PAK6: variants seen among roughly 807,000 people sequenced by gnomAD.
PAK6 encodes the protein p21 (RAC1) activated kinase 6.
In PAK6, 33 loss-of-function variants were observed where a neutral mutation model predicts 60.8. The observed-to-expected ratio is 0.54, with a 90% CI of 0.41 to 0.73. The LOEUF is 0.73. PAK6 is among the 30% of genes least tolerant of loss of function. The probability of loss-of-function intolerance (pLI) is 0.00; values close to 1 mark genes in which losing one functional copy is unlikely to be tolerated. For missense variants in PAK6, 845 were observed against 904.1 expected, an observed-to-expected ratio of 0.93 and a Z score of 0.84; for synonymous variants, 404 against 378.5, an observed-to-expected ratio of 1.07 and a Z score of -0.78.
chr15:40,270,630 G>A (rs1465983068), intron 5 of PAK6, among the ~76,000 whole-genome samples: 2 of 152,204 alleles, frequency 1.3e-5, no homozygotes, highest in African/African-American at 4.8e-5. Context: ...CAGTGTCACA[G>A]TGGATGGTGA....
intron 3 of PAK6, 74 bp from the exon 4 acceptor site, chr15:40,264,707 A>G (rs2039072575): frequency 7.6e-7 from 1 of 1,323,038 alleles, no homozygotes; most frequent in Non-Finnish European, 1.1e-6. Flanking sequence ...GGAGCCCTGA[A>G]CCTGGTGCCC....
chr15:40,240,373 G>A (rs2038288234), intron 1 of PAK6: 1 of 338,326 alleles, frequency 3.0e-6, no homozygotes, highest in Admixed American at 4.0e-5. Context: ...GTCCCCACAG[G>A]GCATGCCCCA....
Position 40,252,309 on chromosome 15 carries a change from T to G in PAK6, c.-117-869T>G, listed in dbSNP as rs893750258. 17 of 1,236,720 alleles carry G rather than the reference T, an allele frequency of 1.4e-5. No homozygotes were observed. The African/African-American group carries it at 2.5e-4, about 18-fold the overall frequency. The allele number at this position is 1,236,720 out of a possible 1,614,324, so 76.6% of individuals were successfully genotyped here. ...CTCAGCTGATTCTCCAGGTCGGGTC[T>G]CCGCGAGGCGGCCACTGGGCCGTGG... On this transcript the variant is annotated intron_variant, in intron 2 of 10. Transcript: ENST00000560346.
exon 4 of PAK6, chr15:40,264,863 C>G: frequency 6.2e-7 from 1 of 1,614,018 alleles, no homozygotes; most frequent in Non-Finnish European, 8.5e-7. Context: ...ACACCTCCTT[C>G]GACCCCAAAG....
chr15:40,257,613 C>T (rs558822129), intron 3 of PAK6, among the ~76,000 whole-genome samples: 1 of 152,352 alleles, frequency 6.6e-6, no homozygotes, highest in South Asian at 2.1e-4. Flanking sequence ...AGGTACATTC[C>T]CAAGTGGTCT....
rs903425256 is a variant in PAK6, at chr15:40,275,387, G to A, written c.1879-540G>A. ...TGCAACCTCCGCCTCCTGGGTTCAA[G>A]CAATTCTCCTGCCTCAGCCTCCTGA... is the stretch of plus-strand genomic sequence containing the variant. On this transcript the variant is annotated intron_variant, in intron 10 of 10. Coordinates refer to ENST00000560346, the Ensembl canonical transcript of PAK6. Among the ~76,000 whole-genome samples, 5 of 147,598 alleles carry A rather than the reference G, an allele frequency of 3.4e-5. No homozygotes were observed. The South Asian group carries it at 8.7e-4, about 26-fold the overall frequency.
chr15:40,247,675 A>C (rs1299414040), intron 2 of PAK6, among the ~76,000 whole-genome samples: 1 of 152,192 alleles, frequency 6.6e-6, no homozygotes, highest in Non-Finnish European at 1.5e-5. Context: ...GGGTATCAGC[A>C]GGGCACATCT....
In PAK6 at chr15:40,266,508, C is replaced by T; in HGVS notation, c.858+13C>T. 1 of 1,581,618 alleles carries T rather than the reference C, an allele frequency of 6.3e-7. No homozygotes were observed. The highest frequency in any genetic ancestry group is 1.2e-5 in the South Asian group (1 of 84,624). On this transcript the variant is annotated intron_variant, in intron 5 of 10. Coordinates refer to ENST00000560346, the Ensembl canonical transcript of PAK6. The stretch of plus-strand genomic sequence containing the variant: ...ACCACAGAGCAAGGTAAGTCAGGAG[C>T]CTGGCCTGCAGGTGTCCACTGGGGA...
chr15:40,274,380 G>A (rs1016682682), intron 10 of PAK6, 104 bp downstream of exon 10: 4 of 1,257,144 alleles, frequency 3.2e-6, no homozygotes, highest in Non-Finnish European at 3.3e-6. Context: ...AAGCCACAGG[G>A]TCTGGGCTCC....
intron 3 of PAK6, among the ~76,000 whole-genome samples, chr15:40,257,890 G>A (rs1469021489): frequency 6.6e-6 from 1 of 152,166 alleles, no homozygotes; most frequent in Non-Finnish European, 1.5e-5. Context: ...TGTCTCTGTG[G>A]AACAGTAGCA....
At chr15:40,252,445 C>G in intron 2 of PAK6, 3 of 1,360,232 alleles carry the variant, frequency 2.2e-6, no homozygotes, top group Non-Finnish European at 2.9e-6. Flanking sequence ...CACGGCGCCC[C>G]TCGGGCAGAG....
intron 2 of PAK6, chr15:40,252,564 G>A: frequency 7.4e-7 from 1 of 1,360,010 alleles, no homozygotes; most frequent in Non-Finnish European, 9.8e-7. Context: ...GCGGTCAGGT[G>A]AAGCCGGCGC....
At chr15:40,244,175 C>T (rs1566841501) in intron 2 of PAK6, among the ~76,000 whole-genome samples, 1 of 151,808 alleles carries the variant, frequency 6.6e-6, no homozygotes, top group African/African-American at 2.4e-5. Flanking sequence ...CTAAAAAATA[C>T]AAAAAATTAG....
intron 2 of PAK6, among the ~76,000 whole-genome samples, chr15:40,249,980 C>T (rs890523868): frequency 1.3e-5 from 2 of 152,266 alleles, no homozygotes; most frequent in African/African-American, 2.4e-5. Context: ...ACAATTCCTT[C>T]AACCAGAAGG....
chr15:40,262,419 A>G (rs901908245), intron 3 of PAK6, among the ~76,000 whole-genome samples: 5 of 152,240 alleles, frequency 3.3e-5, no homozygotes, highest in African/African-American at 1.2e-4. Flanking sequence ...CAAGAGAATC[A>G]CTTGAACCCG....
At chr15:40,253,411 C>A in intron 3 of PAK6, 122 bp downstream of exon 3, 1 of 376,854 alleles carries the variant, frequency 2.7e-6, no homozygotes, top group South Asian at 1.9e-5. Context: ...TACTGCTAGG[C>A]AGCGGAGGTG....
chr15:40,248,114 G>A, intron 2 of PAK6, among the ~76,000 whole-genome samples: 1 of 152,184 alleles, frequency 6.6e-6, no homozygotes, highest in East Asian at 1.9e-4. Flanking sequence ...AGTCTTGCGA[G>A]GCAAGAGGGC....
rs774318821 is a variant in PAK6, at chr15:40,272,643, G to A, written c.1278G>A (p.Glu426=). The change falls in exon 6 of 11, where the codon GAG becomes GAA. Residue 426 remains glutamate (E), a synonymous_variant. Coordinates refer to ENST00000560346, the Ensembl canonical transcript of PAK6. ...CCGGCATCGTCTGCTTGGCCCGGGA[G>A]AAGCACTCGGGCCGCCAGGTGGCCG... 11 of 1,608,468 alleles carry A rather than the reference G, an allele frequency of 6.8e-6. 1 individual carries two copies. Among genetic ancestry groups the A allele is most frequent in the South Asian group, 3.3e-5 (3 of 91,082 alleles).
At chr15:40,257,707 T>A (rs1449743726) in intron 3 of PAK6, among the ~76,000 whole-genome samples, 2 of 152,152 alleles carry the variant, frequency 1.3e-5, no homozygotes, top group African/African-American at 4.8e-5. Flanking sequence ...CCACCCTGCA[T>A]CTGTGGGGCC....
Sources: gnomAD v4.1 joint callset for allele counts (sites outside exome capture counted in the v4.1 genomes callset) on GRCh38, gnomAD v4.1.1 for gene constraint, MANE v1.5 for transcripts, NCBI Gene and HGNC (gene_info 2026-07-23, HGNC 2026-07-21) for gene names.